The following LOC400499 variants were observed in gnomAD, a reference collection of about 807,000 sequenced individuals.
chr16:11,407,820 G>C, the LOC400499 span, among the ~76,000 whole-genome samples: 3 of 152,034 alleles, frequency 2.0e-5, no homozygotes, highest in Admixed American at 2.0e-4. Context: ...TTTTATTACG[G>C]GTTGCTGCGA....
chr16:11,523,457 C>G, the LOC400499 span: 1 of 398,802 alleles, frequency 2.5e-6, no homozygotes, highest in Non-Finnish European at 4.4e-6. Flanking sequence ...CCTGCCCCAC[C>G]TGCGAATCTG....
the LOC400499 span, among the ~76,000 whole-genome samples, chr16:11,390,707 C>T: frequency 1.3e-5 from 2 of 152,184 alleles, no homozygotes; most frequent in Non-Finnish European, 2.9e-5. Flanking sequence ...GGAGGGTTCC[C>T]ACCAGTCCTA....
chr16:11,414,650 T>C, the LOC400499 span: 4 of 397,884 alleles, frequency 1.0e-5, no homozygotes, highest in African/African-American at 8.2e-5. Flanking sequence ...TGCCACAGCG[T>C]GGGTGCTGGG....
the LOC400499 span, chr16:11,472,113 A>C: frequency 3.3e-6 from 1 of 299,074 alleles, no homozygotes; most frequent in Non-Finnish European, 6.1e-6. Context: ...CCTACCAACA[A>C]CCAAATATTT....
the LOC400499 span, chr16:11,440,809 C>A: frequency 2.5e-6 from 1 of 398,932 alleles, no homozygotes. Context: ...AAAGATGATG[C>A]CCCCATCCAA....
At chr16:11,489,016 C>T in the LOC400499 span, 2 of 395,038 alleles carry the variant, frequency 5.1e-6, no homozygotes, top group Non-Finnish European at 8.9e-6. Context: ...CAGAGACCTA[C>T]GTCTTCTCTC....
chr16:11,442,080 A>T, the LOC400499 span: 1 of 152,238 alleles, frequency 6.6e-6, no homozygotes, highest in Non-Finnish European at 1.5e-5. Context: ...GAAGTTAAAA[A>T]TGCCTGCCAA....
At chr16:11,514,906 G>C in the LOC400499 span, among the ~76,000 whole-genome samples, 90,316 of 151,786 alleles carry the variant, frequency 0.6, 27,347 homozygotes, top group Admixed American at 0.66. Context: ...GATAGTAAGT[G>C]AACATGAACA....
the LOC400499 span, among the ~76,000 whole-genome samples, chr16:11,468,856 A>T: frequency 2.0e-3 from 312 of 152,238 alleles, 1 homozygote; most frequent in Non-Finnish European, 1.6e-3. Flanking sequence ...CGAACTCCTG[A>T]TTTCAGGTGA....
the LOC400499 span, chr16:11,461,158 C>T: frequency 6.6e-7 from 1 of 1,508,324 alleles, no homozygotes. Context: ...AGGGTCAGCC[C>T]CCAGGGACCA....
the LOC400499 span, chr16:11,398,253 C>G: frequency 8.9e-7 from 1 of 1,121,842 alleles, no homozygotes; most frequent in Non-Finnish European, 1.1e-6. Context: ...CTGCCTCGCT[C>G]ACACCCCTGC....
the LOC400499 span, chr16:11,431,147 G>C: frequency 2.5e-6 from 1 of 399,036 alleles, no homozygotes; most frequent in Non-Finnish European, 4.4e-6. Context: ...GTCAGGATCC[G>C]GCCTCCCCTC....
chr16:11,523,469 A>G, the LOC400499 span: 28 of 398,580 alleles, frequency 7.0e-5, no homozygotes, highest in Non-Finnish European at 1.2e-4. Context: ...GCGAATCTGG[A>G]ATTTCTGAAA....
At chr16:11,448,173 A>G in the LOC400499 span, 10 of 1,383,770 alleles carry the variant, frequency 7.2e-6, no homozygotes, top group African/African-American at 1.4e-4. Context: ...CAACCTGCCC[A>G]TCACCCCCAG....
chr16:11,457,000 C>G, the LOC400499 span: 3 of 1,534,962 alleles, frequency 2.0e-6, no homozygotes, highest in East Asian at 2.4e-5. Context: ...TAAAGCTGCA[C>G]GCGGCAATCC....
At chr16:11,496,214 C>G in the LOC400499 span, among the ~76,000 whole-genome samples, 1 of 152,072 alleles carries the variant, frequency 6.6e-6, no homozygotes, top group Non-Finnish European at 1.5e-5. Flanking sequence ...TTACAGATGT[C>G]TGCCACCACG....
chr16:11,498,581 A>G, the LOC400499 span, among the ~76,000 whole-genome samples: 1 of 151,810 alleles, frequency 6.6e-6, no homozygotes, highest in Non-Finnish European at 1.5e-5. Flanking sequence ...CTCACTCCCC[A>G]CTTCCCACCC....
chr16:11,380,473 G>C, the LOC400499 span, among the ~76,000 whole-genome samples: 1 of 151,888 alleles, frequency 6.6e-6, no homozygotes, highest in Non-Finnish European at 1.5e-5. Flanking sequence ...CCAGCTACTC[G>C]GGAGGCTGCA....
chr16:11,472,995 G>A, the LOC400499 span: 6 of 152,036 alleles, frequency 3.9e-5, no homozygotes, highest in Non-Finnish European at 5.9e-5. Flanking sequence ...CAGGCGTGGT[G>A]GCAGGCACCT....
Sources: gnomAD v4.1 joint callset for allele counts (sites outside exome capture counted in the v4.1 genomes callset) on GRCh38, gnomAD v4.1.1 for gene constraint, MANE v1.5 for transcripts.